The following MUSK variants were observed in gnomAD, a reference collection of about 807,000 sequenced individuals.
The protein encoded by MUSK is muscle associated receptor tyrosine kinase.
A neutral mutation model predicts 88.7 loss-of-function variants in MUSK; 55 were observed. That is an observed-to-expected ratio of 0.62 (90% CI 0.50 to 0.78). The LOEUF is 0.78. Ranked by LOEUF, MUSK falls within the 30% of genes least tolerant of loss-of-function variation. The pLI, the probability that MUSK is intolerant of heterozygous loss-of-function variation, is 0.00. For synonymous variants in MUSK, 387 were observed against 391.9 expected (o/e 0.99, Z 0.15); for missense variants, 1,015 against 1,074.3 (o/e 0.94, Z 0.77).
chr9:110,687,625 G>T (rs1333265920), intron 3 of MUSK, among the ~76,000 whole-genome samples: 1 of 152,112 alleles, frequency 6.6e-6, no homozygotes, highest in East Asian at 1.9e-4. Context: ...GTGAGCCACT[G>T]TGCCCCCGCT....
chr9:110,790,333 A>G (rs2077951904), intron 14 of MUSK, among the ~76,000 whole-genome samples: 1 of 152,132 alleles, frequency 6.6e-6, no homozygotes, highest in South Asian at 2.1e-4. Context: ...AGTATAAACA[A>G]CTTGTTTTGC....
At chr9:110,769,272 C>T (rs1371001904) in intron 9 of MUSK, among the ~76,000 whole-genome samples, 1 of 152,136 alleles carries the variant, frequency 6.6e-6, no homozygotes, top group Non-Finnish European at 1.5e-5. Flanking sequence ...ATTTAGCATT[C>T]AATAACAACA....
chr9:110,758,138 A>G (rs1368971717), intron 7 of MUSK, among the ~76,000 whole-genome samples: 1 of 151,868 alleles, frequency 6.6e-6, no homozygotes, highest in Non-Finnish European at 1.5e-5. Context: ...TAATTTTTGT[A>G]TTTTTTGTAA....
At chr9:110,713,266 T>TTTC (rs2076698667) in intron 5 of MUSK, among the ~76,000 whole-genome samples, 1 of 150,344 alleles carries the variant, frequency 6.7e-6, no homozygotes, top group Admixed American at 6.6e-5. Flanking sequence ...TTTTTTCTTT[T>TTTC]TTTTTTTTTT....
chr9:110,689,349 A>C (rs2076253056), intron 3 of MUSK, among the ~76,000 whole-genome samples: 1 of 118,400 alleles, frequency 8.4e-6, no homozygotes, highest in Admixed American at 9.7e-5. Context: ...TAAATATATA[A>C]ATATATATAA....
intron 9 of MUSK, among the ~76,000 whole-genome samples, chr9:110,773,690 A>G (rs1295240362): frequency 6.6e-6 from 1 of 152,070 alleles, no homozygotes; most frequent in East Asian, 1.9e-4. Flanking sequence ...TTGACTGGGT[A>G]TTTAAGTCTG....
chr9:110,671,158 G>T (rs1050248031), intron 1 of MUSK, among the ~76,000 whole-genome samples: 1 of 152,020 alleles, frequency 6.6e-6, no homozygotes. Flanking sequence ...TTTTAGTAGA[G>T]ACAGGGTTTC....
At position 110,681,028 on chromosome 9, in the gene MUSK, ATTATATATTATATAAT is replaced by A. The variant is rs2076107140; in HGVS notation, c.80-1645_80-1630del. On this transcript the variant is annotated intron_variant, in intron 1 of 14. Transcript: ENST00000374448. ...ATATTATATATAATATATATTATAT[ATTATATATTATATAAT>A]ATATATTATATATTATATATATAAT... Among the ~76,000 whole-genome samples the A allele has an allele frequency of 1.6e-4, 2 of 12,516 alleles. 1 individual carries two copies. Among genetic ancestry groups the A allele is most frequent in the Non-Finnish European group, 3.1e-4 (2 of 6,484 alleles). 8.2% of individuals were successfully genotyped at this position (12,516 alleles called of 152,430 possible).
intron 13 of MUSK, among the ~76,000 whole-genome samples, chr9:110,786,465 G>A (rs1180833085): frequency 6.6e-6 from 1 of 151,948 alleles, no homozygotes; most frequent in Non-Finnish European, 1.5e-5. Flanking sequence ...CTTAAAATAG[G>A]TAATTTATTG....
chr9:110,682,208 G>A (rs1315161263), intron 1 of MUSK, among the ~76,000 whole-genome samples: 2 of 152,036 alleles, frequency 1.3e-5, no homozygotes, highest in African/African-American at 4.8e-5. Context: ...CTTTAGCAAT[G>A]TGCTTTTATG....
At chr9:110,756,892 C>T (rs1028251097) in intron 7 of MUSK, among the ~76,000 whole-genome samples, 4 of 151,550 alleles carry the variant, frequency 2.6e-5, no homozygotes, top group Non-Finnish European at 4.4e-5. Context: ...GTGTGTGTGT[C>T]TGTGTGTGTG....
At chr9:110,685,876 C>A (rs895393026) in intron 2 of MUSK, among the ~76,000 whole-genome samples, 1 of 151,970 alleles carries the variant, frequency 6.6e-6, no homozygotes, top group Non-Finnish European at 1.5e-5. Flanking sequence ...AAATTTTTTT[C>A]GGTTCTAACT....
chr9:110,722,638 G>T (rs2076829107), intron 5 of MUSK, among the ~76,000 whole-genome samples: 1 of 151,782 alleles, frequency 6.6e-6, no homozygotes, highest in Non-Finnish European at 1.5e-5. Context: ...AGAAAATTTT[G>T]CAAATAATGG....
At chr9:110,763,546 A>T (rs1000164286) in intron 8 of MUSK, among the ~76,000 whole-genome samples, 8 of 152,238 alleles carry the variant, frequency 5.3e-5, no homozygotes, top group African/African-American at 1.7e-4. Flanking sequence ...GACGCGAAAG[A>T]ATAGAAACAG....
At chr9:110,681,070 AT>A (rs1350574125) in intron 1 of MUSK, among the ~76,000 whole-genome samples, 23 of 29,474 alleles carry the variant, frequency 7.8e-4, no homozygotes, top group African/African-American at 3.0e-3. Context: ...TATATATAAT[AT>A]TATATATATT....
intron 5 of MUSK, among the ~76,000 whole-genome samples, chr9:110,729,332 A>G (rs904071460): frequency 6.1e-5 from 9 of 147,196 alleles, no homozygotes; most frequent in Admixed American, 2.7e-4. Flanking sequence ...TCTGTAAAAA[A>G]AAAAAAAAAA....
intron 3 of MUSK, among the ~76,000 whole-genome samples, chr9:110,694,528 G>A (rs919685397): frequency 1.3e-5 from 2 of 151,750 alleles, no homozygotes; most frequent in Non-Finnish European, 2.9e-5. Context: ...CATATTTCAT[G>A]CGTTCCTTTG....
At chr9:110,769,131 G>C (rs2077528747) in intron 9 of MUSK, among the ~76,000 whole-genome samples, 1 of 152,154 alleles carries the variant, frequency 6.6e-6, no homozygotes, top group Non-Finnish European at 1.5e-5. Flanking sequence ...TCAGAAACTA[G>C]ATAGACATTG....
chr9:110,726,835 G>A (rs529802216), intron 5 of MUSK, among the ~76,000 whole-genome samples: 1 of 152,080 alleles, frequency 6.6e-6, no homozygotes, highest in Middle Eastern at 3.4e-3. Flanking sequence ...TGTCCAGCCC[G>A]AAGGCATTCA....
Sources: allele counts gnomAD v4.1 joint callset (sites outside exome capture counted in the v4.1 genomes callset), GRCh38; gene constraint gnomAD v4.1.1; transcripts MANE v1.5; gene names NCBI Gene and HGNC (gene_info 2026-07-23, HGNC 2026-07-21).